Variants in KIRREL1 observed in about 807,000 individuals in gnomAD.
KIRREL1 encodes kirre like nephrin family adhesion molecule 1.
Under a neutral mutation model 83.3 loss-of-function variants are expected in KIRREL1, and 25 were observed. The observed-to-expected ratio is 0.30, with a 90% CI of 0.22 to 0.42. The LOEUF (loss-of-function observed/expected upper bound fraction) is 0.42, where lower values mean the gene tolerates loss of function less well. Among genes scored for constraint, KIRREL1 ranks in the 10% least tolerant of loss-of-function variants. The pLI is 1.00. For synonymous variants in KIRREL1, 388 were observed against 410.4 expected (o/e 0.95, Z 0.66); for missense variants, 812 against 1,032.3 (o/e 0.79, Z 2.92).
Position 158,095,437 on chromosome 1 carries a change from T to G in KIRREL1, c.*317T>G. 10 of 262,396 alleles carry G rather than the reference T, an allele frequency of 3.8e-5. No homozygotes were observed. Among genetic ancestry groups the G allele is most frequent in the East Asian group, 1.7e-4 (2 of 12,048 alleles). 16.3% of individuals were successfully genotyped at this position (262,396 alleles called of 1,614,324 possible). On this transcript the variant is annotated 3_prime_UTR_variant, in exon 15 of 15. Transcript: ENST00000359209. ...AAGCAGAGGGGGGCACTTTTTAGCA[T>G]TCCCTTTCTATCCCACCCCTCTGAT...
intron 11 of KIRREL1, among the ~76,000 whole-genome samples, chr1:158,092,387 G>A (rs1571003112): frequency 2.5e-5 from 3 of 121,252 alleles, no homozygotes; most frequent in South Asian, 5.4e-4. Flanking sequence ...TTGCTCTGTC[G>A]CCCAGGCTGG....
chr1:158,085,211 T>C (rs1056930325), intron 4 of KIRREL1, among the ~76,000 whole-genome samples: 28 of 152,228 alleles, frequency 1.8e-4, no homozygotes, highest in Non-Finnish European at 3.5e-4. Context: ...CAGCTGGAAT[T>C]CAAAGCCAGA....
At chr1:158,000,345 C>T (rs1264546154) in intron 1 of KIRREL1, among the ~76,000 whole-genome samples, 1 of 152,194 alleles carries the variant, frequency 6.6e-6, no homozygotes, top group African/African-American at 2.4e-5. Flanking sequence ...TTCTTCCAGC[C>T]ATAGCAGCCC....
At chr1:158,056,449 G>A (rs1661061192) in intron 1 of KIRREL1, among the ~76,000 whole-genome samples, 1 of 152,218 alleles carries the variant, frequency 6.6e-6, no homozygotes, top group Non-Finnish European at 1.5e-5. Context: ...TGAGGGAGCA[G>A]GCCAAAGAGC....
chr1:158,063,057 C>T (rs1469337979), intron 1 of KIRREL1, among the ~76,000 whole-genome samples: 1 of 152,230 alleles, frequency 6.6e-6, no homozygotes, highest in Non-Finnish European at 1.5e-5. Flanking sequence ...TTGGCTCATG[C>T]TGTTCCCTTT....
chr1:158,053,035 T>C (rs1570954871), intron 1 of KIRREL1, among the ~76,000 whole-genome samples: 1 of 152,194 alleles, frequency 6.6e-6, no homozygotes, highest in Non-Finnish European at 1.5e-5. Context: ...AAATCATTCA[T>C]GGAGATCTGC....
chr1:158,067,339 C>T (rs535312462), intron 1 of KIRREL1, among the ~76,000 whole-genome samples: 67 of 152,316 alleles, frequency 4.4e-4, no homozygotes, highest in African/African-American at 1.6e-3. Flanking sequence ...TCTGGGTCCT[C>T]AGCCTCTGTC....
At chr1:158,054,032 G>A (rs1660976648) in intron 1 of KIRREL1, among the ~76,000 whole-genome samples, 1 of 151,892 alleles carries the variant, frequency 6.6e-6, no homozygotes, top group Non-Finnish European at 1.5e-5. Flanking sequence ...CCAACTTGGT[G>A]AAACTTCATC....
At position 158,041,901 on chromosome 1, in the gene KIRREL1, T is replaced by C. The variant is rs570258424; in HGVS notation, c.53-34212T>C. On this transcript the variant is annotated intron_variant, in intron 1 of 14. Transcript: ENST00000359209. ...GGGCATGGATTTGGTGAGCTAGAGA[T>C]GGCGAGGAGGGTTAGGCAGTTGGTC... Among the ~76,000 whole-genome samples, 494 of 152,238 alleles carry C rather than the reference T, an allele frequency of 3.2e-3. 4 individuals carry two copies. Among genetic ancestry groups the C allele is most frequent in the Non-Finnish European group, 5.6e-3 (382 of 68,002 alleles).
rs1661960745 is a variant in KIRREL1, at chr1:158,084,474, A to G, written c.405A>G (p.Ala135=). The change falls in exon 4 of 15, where the codon GCA becomes GCG. Residue 135 remains alanine, a synonymous_variant. Coordinates refer to ENST00000359209, the MANE Select transcript of KIRREL1 (RefSeq NM_018240.7). ...IDGGPVILLQ[A]GTPHNLTCRA... ...GAGGCCCTGTGATTCTACTGCAGGC[A>G]GGCACCCCCCACAACCTCACATGCC... The G allele has an allele frequency of 1.4e-5, 22 of 1,551,702 alleles. No individual in the cohort carries two copies. Among genetic ancestry groups the G allele is most frequent in the Non-Finnish European group, 1.9e-5 (22 of 1,147,036 alleles).
intron 1 of KIRREL1, among the ~76,000 whole-genome samples, chr1:158,070,385 G>T (rs1378882153): frequency 6.6e-6 from 1 of 152,154 alleles, no homozygotes; most frequent in Non-Finnish European, 1.5e-5. Context: ...AATAATAGTG[G>T]ATTATTATGC....
At position 158,095,269 on chromosome 1, in the gene KIRREL1, AAC is replaced by A. The variant is rs542170585; in HGVS notation, c.*152_*153del. ...GCAGGTGGGGAGCAGGTCTCCCAGAAACACCCCGTCCCGAGGATGGTGCTCTG... is the reference window on the plus strand; with the variant it reads ...GCAGGTGGGGAGCAGGTCTCCCAGAAACCCCGTCCCGAGGATGGTGCTCTG... On this transcript the variant is annotated 3_prime_UTR_variant, in exon 15 of 15. Coordinates refer to ENST00000359209, the MANE Select transcript of KIRREL1 (RefSeq NM_018240.7). 1.7e-4 allele frequency: 107 copies of A among 632,894 alleles called. No homozygotes were observed. The highest frequency in any genetic ancestry group is 1.6e-3 in the African/African-American group (90 of 54,548). The allele number at this position is 632,894 out of a possible 1,614,324, so 39.2% of individuals were successfully genotyped here.
intron 5 of KIRREL1, among the ~76,000 whole-genome samples, chr1:158,087,218 T>G (rs35104010): frequency 0.16 from 24,349 of 152,184 alleles, 2,061 homozygotes; most frequent in Middle Eastern, 0.23. Flanking sequence ...CAGTAAACGC[T>G]CTATGCACAA....
intron 13 of KIRREL1, 112 bp downstream of exon 13, chr1:158,093,874 C>G (rs550265788): frequency 1.8e-6 from 2 of 1,131,252 alleles, no homozygotes; most frequent in African/African-American, 1.5e-5. Flanking sequence ...TCGGTCTTCC[C>G]TGGTCCTGCC....
intron 4 of KIRREL1, among the ~76,000 whole-genome samples, chr1:158,084,853 G>A (rs1322910549): frequency 1.3e-5 from 2 of 152,206 alleles, no homozygotes; most frequent in Admixed American, 6.5e-5. Context: ...GCCAGACACC[G>A]TGCATGCTAA....
chr1:158,067,730 C>T (rs1661392913), intron 1 of KIRREL1, among the ~76,000 whole-genome samples: 1 of 152,264 alleles, frequency 6.6e-6, no homozygotes, highest in South Asian at 2.1e-4. Flanking sequence ...CCTGGCAGGA[C>T]TGTGCTGGGC....
chr1:158,026,906 T>C (rs1300014624), intron 1 of KIRREL1, among the ~76,000 whole-genome samples: 1 of 152,144 alleles, frequency 6.6e-6, no homozygotes, highest in Non-Finnish European at 1.5e-5. Context: ...AAGACTTCTG[T>C]GACCAAATGT....
At chr1:158,084,235 G>A (rs1661952998) in intron 3 of KIRREL1, among the ~76,000 whole-genome samples, 187 bp from the exon 4 acceptor site, 1 of 152,222 alleles carries the variant, frequency 6.6e-6, no homozygotes, top group South Asian at 2.1e-4. Context: ...AGATGTGTGA[G>A]CTGAGGACCT....
chr1:158,099,801 T>TC lies in KIRREL1; in HGVS notation c.*4687dup, dbSNP rs1036221825. 1 of 151,934 alleles carries TC rather than the reference T, an allele frequency of 6.6e-6. No individual in the cohort carries two copies. The allele number at this position is 151,934 out of a possible 1,614,324, so 9.4% of individuals were successfully genotyped here. On this transcript the variant is annotated 3_prime_UTR_variant, in exon 15 of 15. Coordinates refer to ENST00000359209, the MANE Select transcript of KIRREL1 (RefSeq NM_018240.7). ...TGCTTTTGGAGCTCTTCAGATGCTG[T>TC]CCCCCCTGAGAATACCCTAACTCTG...
Sources: gnomAD v4.1 joint callset for allele counts (sites outside exome capture counted in the v4.1 genomes callset) on GRCh38, gnomAD v4.1.1 for gene constraint, MANE v1.5 for transcripts, NCBI Gene and HGNC (gene_info 2026-07-23, HGNC 2026-07-21) for gene names.